Variants in SUSD1 observed in about 807,000 individuals in gnomAD.
SUSD1 encodes sushi domain containing 1, also known as sushi domain-containing protein 1.
In SUSD1, 65 loss-of-function variants were observed where a neutral mutation model predicts 86.9. The ratio of observed to expected loss-of-function variants is 0.75; its 90% confidence interval spans 0.61 to 0.92. SUSD1 has a LOEUF of 0.92. Among genes scored for constraint, SUSD1 ranks in the 40% least tolerant of loss-of-function variants. The pLI is 0.00. For synonymous variants in SUSD1, 346 were observed against 350.0 expected (o/e 0.99, Z 0.13); for missense variants, 850 against 929.7 (o/e 0.91, Z 1.11).
chr9:112,108,293 A>G (rs1830931778), intron 8 of SUSD1, among the ~76,000 whole-genome samples: 2 of 152,236 alleles, frequency 1.3e-5, no homozygotes. Flanking sequence ...ATTCTGCCAA[A>G]GCTCAAATCT....
chr9:112,048,434 A>G (rs911240396), intron 15 of SUSD1, among the ~76,000 whole-genome samples: 2 of 152,202 alleles, frequency 1.3e-5, no homozygotes, highest in Non-Finnish European at 2.9e-5. Flanking sequence ...ATATGTATAC[A>G]TACACACTAG....
rs149858511 is a variant in SUSD1 at position 112,112,537 on chromosome 9, G to C, written c.984+234C>G. ...TCTAATCCCAGCTACTCAGGAGGCT[G>C]AGGCAGGAGAATCGCTTGAACCCGG... On this transcript the variant is annotated intron_variant, in intron 7 of 16. Transcript: ENST00000374270. 6.6e-5 allele frequency among the ~76,000 whole-genome samples: 10 copies of C among 152,228 alleles called. 1 individual carries two copies. Among genetic ancestry groups the C allele is most frequent in the African/African-American group, 2.2e-4 (9 of 41,542 alleles).
At chr9:112,074,444 C>A (rs1829425795) in intron 12 of SUSD1, among the ~76,000 whole-genome samples, 1 of 152,182 alleles carries the variant, frequency 6.6e-6, no homozygotes, top group Admixed American at 6.5e-5. Context: ...CCCTCGCCAG[C>A]CCCTGCTTTC....
At chr9:112,058,209 C>T (rs933093315) in intron 14 of SUSD1, among the ~76,000 whole-genome samples, 3 of 152,146 alleles carry the variant, frequency 2.0e-5, no homozygotes, top group Admixed American at 1.3e-4. Flanking sequence ...CCAGGTCAGT[C>T]CAAATGTTGA....
intron 1 of SUSD1, among the ~76,000 whole-genome samples, chr9:112,166,489 G>A (rs1203454148): frequency 3.9e-5 from 6 of 152,186 alleles, no homozygotes; most frequent in Non-Finnish European, 8.8e-5. Context: ...CACACAGAGA[G>A]GAACACTGCC....
chr9:112,078,769 G>A (rs961831253), intron 11 of SUSD1, 45 bp from the exon 12 acceptor site: 1 of 1,530,742 alleles, frequency 6.5e-7, no homozygotes, highest in South Asian at 1.2e-5. Flanking sequence ...GGCCTAAAAG[G>A]CTTTAGATGC....
chr9:112,109,063 C>T (rs1436068602), intron 8 of SUSD1, among the ~76,000 whole-genome samples: 1 of 152,016 alleles, frequency 6.6e-6, no homozygotes, highest in African/African-American at 2.4e-5. Flanking sequence ...ATTCCATATG[C>T]CATTCTGCCA....
chr9:112,130,183 G>C (rs1409661993), intron 5 of SUSD1, among the ~76,000 whole-genome samples: 1 of 152,046 alleles, frequency 6.6e-6, no homozygotes, highest in Non-Finnish European at 1.5e-5. Context: ...GACCAGCCTG[G>C]CAAACATGCT....
chr9:112,147,905 TGCAACCATGCA>T lies in SUSD1; in HGVS notation c.373+1328_373+1338del, dbSNP rs1465727056. ...ATTTAATACTGTAACATTGTACTTC[TGCAACCATGCA>T]GCCAGTAATTTGCTACCTAGAACAA... On this transcript the variant is annotated intron_variant, in intron 3 of 16. Coordinates refer to ENST00000374270, the MANE Select transcript of SUSD1 (RefSeq NM_022486.5). Among the ~76,000 whole-genome samples, 4 of 152,350 alleles carry T rather than the reference TGCAACCATGCA, an allele frequency of 2.6e-5. No homozygotes were observed. In the East Asian group the frequency reaches 5.8e-4, roughly 22 times the overall value.
At position 112,041,879 on chromosome 9, in the gene SUSD1, A is replaced by T; in HGVS notation, c.2231T>A (p.Phe744Tyr). The change falls in exon 16 of 17, where the codon TTC becomes TAC. Residue 744 changes from phenylalanine to tyrosine, a missense_variant. Transcript: ENST00000374270. ...CACCCTCACATACCACACCGCTGAGAAGGAGAGGAATGTGAGAATGATCAC... is the reference window on the plus strand; with the variant it reads ...CACCCTCACATACCACACCGCTGAGTAGGAGAGGAATGTGAGAATGATCAC... The part of the protein sequence containing the change: ...AVVIILTFLS[F>Y]SAV 6.2e-7 allele frequency: 1 copy of T among 1,613,802 alleles called. No individual in the cohort carries two copies. Among genetic ancestry groups the T allele is most frequent in the Non-Finnish European group, 8.5e-7 (1 of 1,179,844 alleles).
intron 15 of SUSD1, among the ~76,000 whole-genome samples, chr9:112,047,001 G>C (rs575239411): frequency 7.2e-5 from 11 of 152,110 alleles, no homozygotes; most frequent in Non-Finnish European, 1.5e-4. Context: ...GCACATTGTG[G>C]CTGGTTCTCT....
chr9:112,130,183 G>A (rs1409661993), intron 5 of SUSD1, among the ~76,000 whole-genome samples: 1 of 152,046 alleles, frequency 6.6e-6, no homozygotes, highest in Non-Finnish European at 1.5e-5. Flanking sequence ...GACCAGCCTG[G>A]CAAACATGCT....
intron 12 of SUSD1, among the ~76,000 whole-genome samples, chr9:112,063,767 G>C (rs945177351): frequency 6.6e-6 from 1 of 152,202 alleles, no homozygotes; most frequent in Non-Finnish European, 1.5e-5. Context: ...AACACGCTAA[G>C]TAAGACATAC....
At chr9:112,123,551 G>A (rs1388610259) in intron 6 of SUSD1, among the ~76,000 whole-genome samples, 1 of 152,156 alleles carries the variant, frequency 6.6e-6, no homozygotes, top group African/African-American at 2.4e-5. Context: ...TGTAATCCCA[G>A]CACTTTAGGA....
chr9:112,112,033 T>A (rs1831122738), intron 7 of SUSD1, 193 bp from the exon 8 acceptor site: 2 of 524,710 alleles, frequency 3.8e-6, no homozygotes, highest in South Asian at 6.1e-5. Context: ...AGAGGAGACA[T>A]AAATGAGAAA....
intron 5 of SUSD1, among the ~76,000 whole-genome samples, chr9:112,126,329 G>A (rs1319855968): frequency 6.6e-6 from 1 of 152,186 alleles, no homozygotes. Flanking sequence ...CATTGGATTA[G>A]GAGAGAAGCA....
intron 5 of SUSD1, among the ~76,000 whole-genome samples, chr9:112,134,684 C>A (rs914961659): frequency 1.3e-5 from 2 of 151,898 alleles, no homozygotes; most frequent in Admixed American, 6.6e-5. Flanking sequence ...TCATTCATAT[C>A]CCAAATCTCA....
At chr9:112,108,864 G>T (rs1830968103) in intron 8 of SUSD1, among the ~76,000 whole-genome samples, 1 of 147,332 alleles carries the variant, frequency 6.8e-6, no homozygotes. Flanking sequence ...AAAAACAAGA[G>T]GAGAAATTAG....
intron 15 of SUSD1, among the ~76,000 whole-genome samples, chr9:112,045,329 A>G (rs1827909735): frequency 6.6e-6 from 1 of 152,182 alleles, no homozygotes; most frequent in Non-Finnish European, 1.5e-5. Flanking sequence ...CTGATTGATG[A>G]ATATGTTGAA....
Sources: allele counts gnomAD v4.1 joint callset (sites outside exome capture counted in the v4.1 genomes callset), GRCh38; gene constraint gnomAD v4.1.1; transcripts MANE v1.5; gene names NCBI Gene and HGNC (gene_info 2026-07-23, HGNC 2026-07-21).